Variants in SUN1 observed in about 807,000 individuals in gnomAD.
The protein encoded by SUN1 is SUN domain-containing protein 1.
Under a neutral mutation model 103.2 loss-of-function variants are expected in SUN1, and 61 were observed. The observed-to-expected ratio is 0.59, with a 90% CI of 0.48 to 0.73. The LOEUF (loss-of-function observed/expected upper bound fraction) is 0.73. SUN1 is among the 30% of genes least tolerant of loss of function. The pLI is 0.00. For missense variants in SUN1, 1,052 were observed against 1,034.6 expected, an observed-to-expected ratio of 1.02 and a Z score of -0.23; for synonymous variants, 490 against 425.7, an observed-to-expected ratio of 1.15 and a Z score of -1.86.
intron 1 of SUN1, among the ~76,000 whole-genome samples, chr7:823,524 G>T (rs1267998890): frequency 1.3e-5 from 2 of 152,188 alleles, no homozygotes; most frequent in Non-Finnish European, 2.9e-5. Context: ...ATGTAAATGG[G>T]TGGGGAGGAG....
chr7:872,402 G>C (rs990897769), intron 17 of SUN1, 68 bp from the exon 18 acceptor site: 5 of 1,327,988 alleles, frequency 3.8e-6, no homozygotes, highest in Admixed American at 4.0e-5. Context: ...GGCTGTGGAA[G>C]GGAACGGTCC....
intron 17 of SUN1, 58 bp from the exon 18 acceptor site, chr7:872,412 C>G: frequency 1.4e-6 from 2 of 1,430,404 alleles, no homozygotes; most frequent in Non-Finnish European, 1.9e-6. Flanking sequence ...GGGAACGGTC[C>G]TCTCTGCTCA....
Position 817,091 on chromosome 7 carries a change from T to C in SUN1, c.-74+418T>C, listed in dbSNP as rs1781283011. On this transcript the variant is annotated intron_variant, in intron 1 of 17. Coordinates refer to the SUN1 transcript ENST00000389574. ...GACCCCGTTGCGGGGTCCCAGCCCC[T>C]GGAAGTAGCGGCGGGGCCGTGGGTG... Among the ~76,000 whole-genome samples, 6 of 151,528 alleles carry C rather than the reference T, an allele frequency of 4.0e-5. No homozygotes were observed. In the South Asian group the frequency reaches 1.2e-3, roughly 32 times the overall value.
intron 2 of SUN1, among the ~76,000 whole-genome samples, chr7:840,903 A>G (rs1202178067): frequency 5.9e-5 from 9 of 152,008 alleles, no homozygotes; most frequent in African/African-American, 1.7e-4. Flanking sequence ...GGTCTCCCAA[A>G]GTGCTGGGAT....
chr7:856,203 C>T (rs1404993661), intron 11 of SUN1, among the ~76,000 whole-genome samples, 155 bp from the exon 12 acceptor site: 1 of 152,194 alleles, frequency 6.6e-6, no homozygotes, highest in African/African-American at 2.4e-5. Flanking sequence ...TTGAAATGTT[C>T]AATGAACACT....
At chr7:860,083 A>G (rs777899957) in intron 13 of SUN1, 45 bp from the exon 14 acceptor site, 1 of 1,602,260 alleles carries the variant, frequency 6.2e-7, no homozygotes, top group African/African-American at 1.3e-5. Flanking sequence ...AGTGGAAGTG[A>G]TTTAGTTAAA....
At chr7:856,544 C>T (rs1192679285) in intron 12 of SUN1, 143 bp downstream of exon 12, 2 of 871,928 alleles carry the variant, frequency 2.3e-6, no homozygotes, top group Non-Finnish European at 3.7e-6. Context: ...TGCCGACAGA[C>T]ACTCCTGCTG....
In SUN1 at chr7:843,378, G is replaced by A; in HGVS notation, c.516G>A (p.Val172=). 6.2e-7 allele frequency: 1 copy of A among 1,609,650 alleles called. No individual in the cohort carries two copies. Residue 172 remains valine, a synonymous_variant, in exon 5 of 19, where the codon GTG becomes GTA. Coordinates refer to ENST00000401592, the MANE Select transcript of SUN1 (RefSeq NM_001130965.3). ...NKAAIQGNGD[V]GAAAATAHNG... is the part of the protein sequence containing the mutation. ...CTGCCATTCAGGGAAACGGGGATGT[G>A]GGAGCCGCCGCCGCCACCGCGCACA...
upstream of SUN1, among the ~76,000 whole-genome samples, chr7:815,678 G>GC (rs556016062): frequency 1.0e-3 from 155 of 152,370 alleles, 1 homozygote; most frequent in South Asian, 0.029. Flanking sequence ...AAGACGCGGT[G>GC]CAGTCCCCAG....
intron 5 of SUN1, among the ~76,000 whole-genome samples, chr7:846,902 T>C (rs1816388838): frequency 6.6e-6 from 1 of 152,156 alleles, no homozygotes; most frequent in East Asian, 1.9e-4. Context: ...TAATCCCAGC[T>C]ACTTGGGCGG....
intron 3 of SUN1, 87 bp from the exon 4 acceptor site, chr7:843,119 C>G: frequency 6.4e-7 from 1 of 1,570,926 alleles, no homozygotes; most frequent in Non-Finnish European, 8.7e-7. Flanking sequence ...CCATTGTAAC[C>G]TTTACATTTT....
At chr7:825,530 G>A (rs185782735) in intron 1 of SUN1, among the ~76,000 whole-genome samples, 159 of 152,302 alleles carry the variant, frequency 1.0e-3, no homozygotes, top group African/African-American at 2.6e-3. Flanking sequence ...GTGTGTATGC[G>A]TGTATAAAAT....
chr7:858,975 G>A (rs746842117), intron 13 of SUN1, among the ~76,000 whole-genome samples: 40 of 152,108 alleles, frequency 2.6e-4, no homozygotes, highest in Non-Finnish European at 2.2e-4. Context: ...CCAACATGGT[G>A]AAACCGCGTC....
chr7:833,458 G>A (rs1294120126), intron 1 of SUN1, among the ~76,000 whole-genome samples: 2 of 152,032 alleles, frequency 1.3e-5, no homozygotes, highest in African/African-American at 4.8e-5. Context: ...TTACAGACGT[G>A]CGCCACCACG....
rs193284255 is a variant in SUN1, at chr7:869,859, C to A, written c.2148+343C>A. ...GACAAGAGGACTGCCATGATCCCAGCCCCAGAGAAACCCACCATTCATACT... is the reference window on the plus strand; with the variant it reads ...GACAAGAGGACTGCCATGATCCCAGACCCAGAGAAACCCACCATTCATACT... On this transcript the variant is annotated intron_variant, in intron 17 of 18. Coordinates refer to ENST00000401592, the MANE Select transcript of SUN1 (RefSeq NM_001130965.3). Among the ~76,000 whole-genome samples, 599 of 152,198 alleles carry A rather than the reference C, an allele frequency of 3.9e-3. 4 individuals carry two copies. Among genetic ancestry groups the A allele is most frequent in the African/African-American group, 0.013 (532 of 41,498 alleles).
intron 1 of SUN1, among the ~76,000 whole-genome samples, chr7:820,678 G>GT (rs1444801768): frequency 1.3e-5 from 2 of 152,150 alleles, no homozygotes; most frequent in Non-Finnish European, 2.9e-5. Flanking sequence ...CATTCACTGA[G>GT]TTTTTCATAG....
At chr7:855,379 T>A (rs905345708) in intron 11 of SUN1, among the ~76,000 whole-genome samples, 9 of 152,172 alleles carry the variant, frequency 5.9e-5, no homozygotes, top group Non-Finnish European at 1.3e-4. Context: ...GACCTGAACC[T>A]TTTGACAGAC....
At chr7:820,757 T>A (rs1375216177) in intron 1 of SUN1, among the ~76,000 whole-genome samples, 1 of 152,164 alleles carries the variant, frequency 6.6e-6, no homozygotes, top group Non-Finnish European at 1.5e-5. Context: ...TATGAAAAGG[T>A]GTTGGAGTTT....
At position 851,262 on chromosome 7, in the gene SUN1, G is replaced by C. The variant is rs561074806; in HGVS notation, c.659-122G>C. 1.2e-4 allele frequency: 83 copies of C among 710,146 alleles called. No homozygotes were observed. In the South Asian group the frequency reaches 1.6e-3, roughly 13 times the overall value. 44.0% of individuals were successfully genotyped at this position (710,146 alleles called of 1,614,324 possible). Reference sequence around the variant, plus strand: ...TTTGGCTTTTCATATTTTTTGAGGAGACTCTTGACCCACCGATGCAGGCTT... The same window carrying C: ...TTTGGCTTTTCATATTTTTTGAGGACACTCTTGACCCACCGATGCAGGCTT... On this transcript the variant is annotated intron_variant, in intron 5 of 18. Transcript: ENST00000401592.
Sources: gnomAD v4.1 joint callset for allele counts (sites outside exome capture counted in the v4.1 genomes callset) on GRCh38, gnomAD v4.1.1 for gene constraint, MANE v1.5 for transcripts, NCBI Gene and HGNC (gene_info 2026-07-23, HGNC 2026-07-21) for gene names.